Variants in PTPRS observed in about 807,000 individuals in gnomAD.
PTPRS encodes receptor-type tyrosine-protein phosphatase S.
In PTPRS, 63 loss-of-function variants were observed where a neutral mutation model predicts 215.3. That is an observed-to-expected ratio of 0.29 (90% confidence interval 0.24 to 0.36). PTPRS has a LOEUF of 0.36. Among genes scored for constraint, PTPRS ranks in the 10% least tolerant of loss-of-function variants. PTPRS has a pLI of 1.00. For synonymous variants in PTPRS, 1,404 were observed against 1,191.4 expected (o/e 1.18, Z -3.68); for missense variants, 2,258 against 2,825.8 (o/e 0.80, Z 4.56).
chr19:5,218,314 A>G, intron 25 of PTPRS, 106 bp downstream of exon 25: 2 of 883,732 alleles, frequency 2.3e-6, no homozygotes. Flanking sequence ...TGCACCAAGC[A>G]TAGTTCAGAG....
intron 1 of PTPRS, among the ~76,000 whole-genome samples, chr19:5,306,646 C>T (rs1341764781): frequency 6.6e-6 from 1 of 152,068 alleles, no homozygotes; most frequent in East Asian, 1.9e-4. Context: ...TTCCCAACCT[C>T]ACCCAATGCC....
Position 5,218,454 on chromosome 19 carries a change from A to G in PTPRS, c.4014T>C (p.Pro1338=). The G allele has an allele frequency of 6.2e-7, 1 of 1,613,902 alleles. No individual in the cohort carries two copies. Among genetic ancestry groups the G allele is most frequent in the Non-Finnish European group, 8.5e-7 (1 of 1,179,978 alleles). Residue 1338 remains proline, a synonymous_variant, in exon 25 of 38, where the codon CCT becomes CCC. Transcript: ENST00000262963. ...ADLAPHHPKD[P]VEMRRINFQT... The stretch of plus-strand genomic sequence containing the variant: ...GGAAGTTAATGCGTCTCATTTCCAC[A>G]GGGTCCTTGGGGTGGTGAGGGGCGA...
At position 5,338,513 on chromosome 19, in the gene PTPRS, G is replaced by C. The variant is rs566676343; in HGVS notation, c.-95+2151C>G. On this transcript the variant is annotated intron_variant, in intron 1 of 37. Coordinates refer to ENST00000262963, the MANE Select transcript of PTPRS (RefSeq NM_002850.4). This position sits in a 1 kb window ranked among gnomAD's most constrained non-coding sequence, Gnocchi z 4.2. ...ACGGAAGGCTTTGTGGAGGGCAGCG[G>C]GGGGGTAGGGGAGGGATGCCCAGGT... 1.5e-3 allele frequency among the ~76,000 whole-genome samples: 234 copies of C among 152,256 alleles called. 1 individual carries two copies. The highest frequency in any genetic ancestry group is 5.4e-3 in the African/African-American group (223 of 41,536).
chr19:5,314,958 A>G (rs1230474032), intron 1 of PTPRS, among the ~76,000 whole-genome samples: 1 of 152,178 alleles, frequency 6.6e-6, no homozygotes, highest in Non-Finnish European at 1.5e-5. Flanking sequence ...GTTCCCACCA[A>G]CTGAATATCT....
intron 4 of PTPRS, among the ~76,000 whole-genome samples, chr19:5,271,632 T>C (rs2046918966): frequency 6.6e-6 from 1 of 151,478 alleles, no homozygotes; most frequent in African/African-American, 2.4e-5. Context: ...AGTCCTGACC[T>C]CGCGATCTGC....
At chr19:5,234,943 C>CTTTTTTTT (rs113097365) in intron 13 of PTPRS, among the ~76,000 whole-genome samples, 1 of 137,814 alleles carries the variant, frequency 7.3e-6, no homozygotes. Flanking sequence ...TTCTTTCTTT[C>CTTTTTTTT]TTTTTTTTTT....
chr19:5,253,401 C>G (rs1322392269), intron 9 of PTPRS, among the ~76,000 whole-genome samples: 4 of 152,184 alleles, frequency 2.6e-5, no homozygotes, highest in Admixed American at 2.6e-4. Flanking sequence ...CTGTGACTGG[C>G]TGCTCTGGCA....
rs1461540428 is a variant in PTPRS, at chr19:5,206,563, CGGCGGCCGGTGCCAGGGAGGTCGCTGG to C, written c.*184_*210del. 17 of 437,726 alleles carry C rather than the reference CGGCGGCCGGTGCCAGGGAGGTCGCTGG, an allele frequency of 3.9e-5. No individual in the cohort carries two copies. The highest frequency in any genetic ancestry group is 1.8e-4 in the African/African-American group (9 of 48,784). The allele number at this position is 437,726 out of a possible 1,614,324, so 27.1% of individuals were successfully genotyped here. On this transcript the variant is annotated 3_prime_UTR_variant, in exon 38 of 38. Transcript: ENST00000262963. ...GAGGAATGTGCCAAGTATTTGAAGG[CGGCGGCCGGTGCCAGGGAGGTCGCTGG>C]GGCGGCCGGGGCCGGTGGGGGGGCT... is the stretch of plus-strand genomic sequence containing the variant.
At chr19:5,330,796 G>C (rs937799946) in intron 1 of PTPRS, among the ~76,000 whole-genome samples, 37 of 152,336 alleles carry the variant, frequency 2.4e-4, no homozygotes, top group African/African-American at 8.7e-4. Flanking sequence ...TGGGCTCCCA[G>C]GGCCAGATGG....
At chr19:5,235,097 C>T (rs1199776918) in intron 13 of PTPRS, among the ~76,000 whole-genome samples, 5 of 152,062 alleles carry the variant, frequency 3.3e-5, no homozygotes, top group African/African-American at 7.2e-5. Context: ...CCCGCCACCA[C>T]GCTCGGCTAA....
rs529970483 is a variant in PTPRS at position 5,231,199 on chromosome 19, G to A, written c.2155+111C>T. On this transcript the variant is annotated intron_variant, in intron 14 of 37. Transcript: ENST00000262963. Reference sequence around the variant, plus strand: ...GGCTGCTTGCTTCCCGACTTCCTCCGAGTGAGGCTTCCGCCCTTTGACCAC... The same window carrying A: ...GGCTGCTTGCTTCCCGACTTCCTCCAAGTGAGGCTTCCGCCCTTTGACCAC... 101 of 1,200,314 alleles carry A rather than the reference G, an allele frequency of 8.4e-5. No homozygotes were observed. In the African/African-American group the frequency reaches 1.3e-3, roughly 15 times the overall value. 74.4% of individuals were successfully genotyped at this position (1,200,314 alleles called of 1,614,324 possible).
rs529263927 is a variant in PTPRS at position 5,278,062 on chromosome 19, A to T, written c.92-3718T>A. ...GTTTCCTCCAAGAAACGCAAAACCA[A>T]CGTGGAAAGGGCCGCCCAGCTGCCG... On this transcript the variant is annotated intron_variant, in intron 2 of 37. Coordinates refer to ENST00000262963, the MANE Select transcript of PTPRS (RefSeq NM_002850.4). The T allele has an allele frequency of 1.7e-4, 180 of 1,044,280 alleles. 4 individuals carry two copies. Among genetic ancestry groups the T allele is most frequent in the African/African-American group, 1.5e-3 (97 of 63,482 alleles). The allele number at this position is 1,044,280 out of a possible 1,614,324, so 64.7% of individuals were successfully genotyped here. A position where few individuals can be genotyped will look rare whatever the true frequency, so the allele number is the denominator to read the frequency against.
chr19:5,229,810 T>C, intron 14 of PTPRS, 126 bp from the exon 15 acceptor site: 1 of 560,970 alleles, frequency 1.8e-6, no homozygotes, highest in Non-Finnish European at 2.6e-6. Context: ...CTGGGCGCTC[T>C]TAGCGCTCAC....
intron 13 of PTPRS, among the ~76,000 whole-genome samples, chr19:5,233,946 CAAAAAAAA>C (rs57529862): frequency 0.022 from 599 of 27,746 alleles, 5 homozygotes; most frequent in Middle Eastern, 0.05. Context: ...ACTCCATCTC[CAAAAAAAA>C]AAAAAAAAAA....
chr19:5,254,208 C>G lies in PTPRS; in HGVS notation c.718+1900G>C, dbSNP rs2045374181. 1.3e-5 allele frequency among the ~76,000 whole-genome samples: 2 copies of G among 152,204 alleles called. 1 individual carries two copies. Among genetic ancestry groups the G allele is most frequent in the Admixed American group, 1.3e-4 (2 of 15,280 alleles). On this transcript the variant is annotated intron_variant, in intron 9 of 37. Transcript: ENST00000262963. ...ACTGCTCTGAGGGTCAGCCTGGCAGCTCGCATGCTGGGTTAATAAGCAAAT... is the reference window on the plus strand; with the variant it reads ...ACTGCTCTGAGGGTCAGCCTGGCAGGTCGCATGCTGGGTTAATAAGCAAAT...
intron 36 of PTPRS, 35 bp downstream of exon 36, chr19:5,208,202 C>T (rs372716519): frequency 1.3e-5 from 20 of 1,564,142 alleles, no homozygotes; most frequent in Non-Finnish European, 1.4e-5. Flanking sequence ...GTTTCCCCAG[C>T]AGGGCCAAAA....
chr19:5,226,006 A>G lies in PTPRS; in HGVS notation c.2377-162T>C, dbSNP rs73919784. ...AGAGACCACGACACGTGGCATGGCCATGCTCAGAGGGTACATGCAACAACC... is the reference window on the plus strand; with the variant it reads ...AGAGACCACGACACGTGGCATGGCCGTGCTCAGAGGGTACATGCAACAACC... On this transcript the variant is annotated intron_variant, in intron 16 of 37. Transcript: ENST00000262963. Among the ~76,000 whole-genome samples, 777 of 151,340 alleles carry G rather than the reference A, an allele frequency of 5.1e-3. 9 individuals are homozygous for G. The highest frequency in any genetic ancestry group is 0.018 in the African/African-American group (747 of 41,310).
At chr19:5,318,829 T>C (rs1363637969) in intron 1 of PTPRS, among the ~76,000 whole-genome samples, 2 of 152,136 alleles carry the variant, frequency 1.3e-5, no homozygotes, top group South Asian at 2.1e-4. Flanking sequence ...ATGTTATTTT[T>C]AAAAAAGTTT....
intron 8 of PTPRS, among the ~76,000 whole-genome samples, chr19:5,256,552 C>T (rs2045569059): frequency 6.6e-6 from 1 of 152,048 alleles, no homozygotes; most frequent in African/African-American, 2.4e-5. Context: ...GGCTCCCTGC[C>T]CCACACCCGC....
Sources: gnomAD v4.1 joint callset for allele counts (sites outside exome capture counted in the v4.1 genomes callset) on GRCh38, gnomAD v4.1.1 for gene constraint, Gnocchi (gnomAD v3.1) non-coding constraint, MANE v1.5 for transcripts, NCBI Gene and HGNC (gene_info 2026-07-23, HGNC 2026-07-21) for gene names.